Variants in SMPD3 observed in about 807,000 individuals in gnomAD.
The protein encoded by SMPD3 is nSMase-2.
In SMPD3, 21 loss-of-function variants were observed where a neutral mutation model predicts 55.7. The observed-to-expected ratio is 0.38, with a 90% CI of 0.27 to 0.54. The LOEUF is 0.54. SMPD3 is among the 20% of genes least tolerant of loss of function. SMPD3 has a pLI of 0.80. For synonymous variants in SMPD3, 457 were observed against 404.3 expected (o/e 1.13, Z -1.56); for missense variants, 842 against 899.6 (o/e 0.94, Z 0.82).
chr16:68,368,870 G>A (rs1019219049), intron 3 of SMPD3: 1 of 152,208 alleles, frequency 6.6e-6, no homozygotes, highest in Non-Finnish European at 1.5e-5. Context: ...GGCAGGCCTG[G>A]GGCTGCTGAG....
Position 68,372,299 on chromosome 16 carries a change from C to A in SMPD3, c.-118G>T. 1 of 1,302,464 alleles carries A rather than the reference C, an allele frequency of 7.7e-7. No individual in the cohort carries two copies. The allele number at this position is 1,302,464 out of a possible 1,614,324, so 80.7% of individuals were successfully genotyped here. A position where few individuals can be genotyped will look rare whatever the true frequency, so the allele number is the denominator to read the frequency against. ...AGCTGGAGGAGGGGTCACCTCCTGG[C>A]GAGATGCAACTCCGGCTGGTCAATG... On this transcript the variant is annotated 5_prime_UTR_variant, in exon 3 of 9. Coordinates refer to ENST00000219334, the MANE Select transcript of SMPD3 (RefSeq NM_018667.4).
chr16:68,429,147 G>GA (rs2090460401), intron 1 of SMPD3, among the ~76,000 whole-genome samples: 1 of 152,212 alleles, frequency 6.6e-6, no homozygotes, highest in Non-Finnish European at 1.5e-5. Context: ...GGGGTGCATG[G>GA]AAGCCCCAGG....
At chr16:68,367,755 C>T (rs1343106086) in intron 3 of SMPD3, 2 of 152,382 alleles carry the variant, frequency 1.3e-5, no homozygotes, top group African/African-American at 4.8e-5. Flanking sequence ...ATTCCTGGCT[C>T]GTGGCCTTGG....
intron 2 of SMPD3, among the ~76,000 whole-genome samples, chr16:68,376,081 T>C (rs562305855): frequency 6.6e-6 from 1 of 152,286 alleles, no homozygotes; most frequent in East Asian, 1.9e-4. Context: ...GGCTCTGTGG[T>C]TAATTATCTT....
chr16:68,364,489 T>C, intron 5 of SMPD3: 1 of 474,004 alleles, frequency 2.1e-6, no homozygotes, highest in Non-Finnish European at 3.7e-6. Flanking sequence ...ACTCGTCCTT[T>C]GTCTGCTTCA....
At chr16:68,403,649 T>C (rs1448885369) in intron 1 of SMPD3, among the ~76,000 whole-genome samples, 4 of 152,230 alleles carry the variant, frequency 2.6e-5, no homozygotes. Flanking sequence ...TTTGATGTGA[T>C]TAAATTCTTT....
At chr16:68,438,532 T>C (rs1479401232) in intron 1 of SMPD3, among the ~76,000 whole-genome samples, 1 of 152,192 alleles carries the variant, frequency 6.6e-6, no homozygotes, top group Admixed American at 6.5e-5. Context: ...CCTATGAGCT[T>C]TTTTGGTTCT....
At position 68,372,368 on chromosome 16, in the gene SMPD3, G is replaced by A; in HGVS notation, c.-187C>T. 1.4e-6 allele frequency: 1 copy of A among 727,290 alleles called. No homozygotes were observed. The highest frequency in any genetic ancestry group is 2.3e-6 in the Non-Finnish European group (1 of 442,240). The allele number at this position is 727,290 out of a possible 1,614,324, so 45.1% of individuals were successfully genotyped here. A position where few individuals can be genotyped will look rare whatever the true frequency, so the allele number is the denominator to read the frequency against. The stretch of plus-strand genomic sequence containing the variant: ...GTCATGGTTCACCTCGGTGGGCCAT[G>A]CGGAGGCCTACTGCAGACCCTGCAG... On this transcript the variant is annotated 5_prime_UTR_variant, in exon 3 of 9. Transcript: ENST00000219334.
chr16:68,439,628 C>T (rs1412542907), intron 1 of SMPD3, among the ~76,000 whole-genome samples: 1 of 152,170 alleles, frequency 6.6e-6, no homozygotes, highest in African/African-American at 2.4e-5. Context: ...CTCACTTTTC[C>T]TGTAGGACTA....
chr16:68,415,409 G>T (rs1184847500), intron 1 of SMPD3, among the ~76,000 whole-genome samples: 1 of 152,184 alleles, frequency 6.6e-6, no homozygotes, highest in African/African-American at 2.4e-5. Flanking sequence ...AATTCTGCCC[G>T]TTCAGCAATG....
chr16:68,428,346 A>G (rs1237271079), intron 1 of SMPD3, among the ~76,000 whole-genome samples: 1 of 152,224 alleles, frequency 6.6e-6, no homozygotes, highest in Non-Finnish European at 1.5e-5. Context: ...CGCTTTGAAC[A>G]GAAGAGCCAC....
At position 68,435,291 on chromosome 16, in the gene SMPD3, T is replaced by A. The variant is rs559981573; in HGVS notation, c.-269+13062A>T. ...GGCCTATTGGTCTCAGCTGGGAAAC[T>A]TCCTGGGCATACAAACTGTTTTAAA... On this transcript the variant is annotated intron_variant, in intron 1 of 8. Transcript: ENST00000219334. 2.6e-5 allele frequency among the ~76,000 whole-genome samples: 4 copies of A among 152,300 alleles called. No homozygotes were observed. In the South Asian group the frequency reaches 8.3e-4, roughly 32 times the overall value.
At chr16:68,420,341 C>T (rs1323416408) in intron 1 of SMPD3, among the ~76,000 whole-genome samples, 2 of 152,188 alleles carry the variant, frequency 1.3e-5, no homozygotes, top group African/African-American at 4.8e-5. Flanking sequence ...TTGTTATTGT[C>T]CCACTTTGCA....
intron 1 of SMPD3, among the ~76,000 whole-genome samples, chr16:68,425,970 A>C (rs2090433407): frequency 6.6e-6 from 1 of 152,222 alleles, no homozygotes; most frequent in African/African-American, 2.4e-5. Context: ...CTAAGGGAGC[A>C]CTGAGAGTGG....
Position 68,361,159 on chromosome 16 carries a change from G to C in SMPD3, c.*47C>G. On this transcript the variant is annotated 3_prime_UTR_variant, in exon 9 of 9. Transcript: ENST00000219334. Reference sequence around the variant, plus strand: ...GATGGAGGGGACATGGCCCAGGGATGGGCTGCAGCTGCAAGGGCTGGCAGA... The same window carrying C: ...GATGGAGGGGACATGGCCCAGGGATCGGCTGCAGCTGCAAGGGCTGGCAGA... 1 of 1,556,862 alleles carries C rather than the reference G, an allele frequency of 6.4e-7. No homozygotes were observed. The highest frequency in any genetic ancestry group is 8.8e-7 in the Non-Finnish European group (1 of 1,134,514).
At position 68,448,487 on chromosome 16, in the gene SMPD3, G is replaced by A. The variant is rs1597677334; in HGVS notation, c.-403C>T. 6.6e-6 allele frequency: 1 copy of A among 152,300 alleles called. No individual in the cohort carries two copies. The highest frequency in any genetic ancestry group is 6.5e-5 in the Admixed American group (1 of 15,284). The allele number at this position is 152,300 out of a possible 1,614,324, so 9.4% of individuals were successfully genotyped here. A position where few individuals can be genotyped will look rare whatever the true frequency, so the allele number is the denominator to read the frequency against. On this transcript the variant is annotated 5_prime_UTR_variant, in exon 1 of 9. Transcript: ENST00000219334. ...GCGGCTCTCGCGGCTCTCGGGTCCGGAGCCTCCCTCAGACTCAGCACCTGG... is the reference window on the plus strand; with the variant it reads ...GCGGCTCTCGCGGCTCTCGGGTCCGAAGCCTCCCTCAGACTCAGCACCTGG...
Position 68,371,940 on chromosome 16 carries a change from C to T in SMPD3, c.242G>A (p.Gly81Asp). 1 of 1,611,790 alleles carries T rather than the reference C, an allele frequency of 6.2e-7. No homozygotes were observed. Among genetic ancestry groups the T allele is most frequent in the Non-Finnish European group, 8.5e-7 (1 of 1,179,614 alleles). ...LVASLPFAFL[G>D]FLFWSPLQSA... is the part of the protein sequence containing the mutation. Reference sequence around the variant, plus strand: ...CTGCAGTGGGGACCAGAAGAGAAAGCCGAGAAACGCAAAGGGCAGCGAGGC... The same window carrying T: ...CTGCAGTGGGGACCAGAAGAGAAAGTCGAGAAACGCAAAGGGCAGCGAGGC... Residue 81 changes from glycine (G) to aspartate (D), a missense_variant, in exon 3 of 9, where the codon GGC becomes GAC. Physicochemically the swap from Gly to Asp is moderately conservative, Grantham distance 94. Transcript: ENST00000219334.
chr16:68,420,327 A>G (rs1490755124), intron 1 of SMPD3, among the ~76,000 whole-genome samples: 2 of 152,240 alleles, frequency 1.3e-5, no homozygotes, highest in Non-Finnish European at 2.9e-5. Flanking sequence ...GGAAAAAGGT[A>G]CAATTGTTAT....
intron 1 of SMPD3, among the ~76,000 whole-genome samples, chr16:68,394,231 G>T (rs1208786593): frequency 6.6e-6 from 1 of 152,028 alleles, no homozygotes; most frequent in Non-Finnish European, 1.5e-5. Context: ...CTACTTTAGG[G>T]CTGTGATACC....
Sources: gnomAD v4.1 joint callset for allele counts (sites outside exome capture counted in the v4.1 genomes callset) on GRCh38, gnomAD v4.1.1 for gene constraint, MANE v1.5 for transcripts, NCBI Gene and HGNC (gene_info 2026-07-23, HGNC 2026-07-21) for gene names.